Variants in PAPPA2 observed in about 807,000 individuals in gnomAD.
The protein encoded by PAPPA2 is pappalysin-2.
In PAPPA2, 86 loss-of-function variants were observed where a neutral mutation model predicts 176.4. The ratio of observed to expected loss-of-function variants is 0.49; its 90% confidence interval spans 0.41 to 0.58. The LOEUF is 0.58. Ranked by LOEUF, PAPPA2 falls within the 20% of genes least tolerant of loss-of-function variation. The pLI is 0.00. For missense variants in PAPPA2, 2,073 were observed against 2,256.9 expected, an observed-to-expected ratio of 0.92 and a Z score of 1.65; for synonymous variants, 809 against 852.2, an observed-to-expected ratio of 0.95 and a Z score of 0.88.
intron 3 of PAPPA2, among the ~76,000 whole-genome samples, chr1:176,595,850 C>T (rs537067966): frequency 2.6e-5 from 4 of 152,242 alleles, no homozygotes; most frequent in East Asian, 3.9e-4. Flanking sequence ...CAGTGTGAAG[C>T]GCACCCAAAA....
intron 17 of PAPPA2, among the ~76,000 whole-genome samples, chr1:176,774,947 G>A (rs900573972): frequency 3.1e-4 from 47 of 152,236 alleles, no homozygotes; most frequent in African/African-American, 1.1e-3. Flanking sequence ...AGCCGTGGCA[G>A]TTAGGGCCTT....
intron 14 of PAPPA2, among the ~76,000 whole-genome samples, chr1:176,754,490 T>C (rs1663326415): frequency 6.6e-6 from 1 of 152,268 alleles, no homozygotes; most frequent in Non-Finnish European, 1.5e-5. Context: ...TGGATTTTGA[T>C]AATTCAAAAA....
At chr1:176,608,740 G>A (rs755972754) in intron 3 of PAPPA2, among the ~76,000 whole-genome samples, 13 of 152,128 alleles carry the variant, frequency 8.5e-5, no homozygotes, top group Non-Finnish European at 1.3e-4. Flanking sequence ...GTTCCTGGGC[G>A]TTAGGAATAG....
At chr1:176,562,579 C>A (rs1651739232) in intron 2 of PAPPA2, among the ~76,000 whole-genome samples, 1 of 152,184 alleles carries the variant, frequency 6.6e-6, no homozygotes, top group Non-Finnish European at 1.5e-5. Flanking sequence ...TGTGCAGTTC[C>A]CTCCACATTA....
At chr1:176,677,746 C>A (rs1386551065) in intron 4 of PAPPA2, among the ~76,000 whole-genome samples, 1 of 151,998 alleles carries the variant, frequency 6.6e-6, no homozygotes, top group Admixed American at 6.6e-5. Flanking sequence ...AACTTGGATA[C>A]CATACTCATT....
intron 21 of PAPPA2, among the ~76,000 whole-genome samples, chr1:176,802,710 C>T (rs1029060533): frequency 6.6e-6 from 1 of 152,176 alleles, no homozygotes; most frequent in Non-Finnish European, 1.5e-5. Context: ...TGGAGTGCCT[C>T]ATTCATTATT....
intron 14 of PAPPA2, among the ~76,000 whole-genome samples, chr1:176,752,656 T>C (rs1414880136): frequency 6.6e-6 from 1 of 152,224 alleles, no homozygotes; most frequent in Non-Finnish European, 1.5e-5. Context: ...TGTTCTTCAG[T>C]TTACTGTTCC....
chr1:176,627,528 G>T lies in PAPPA2; in HGVS notation c.1991+31933G>T, dbSNP rs140466466. 3.0e-3 allele frequency among the ~76,000 whole-genome samples: 463 copies of T among 152,202 alleles called. 5 individuals are homozygous for T. The highest frequency in any genetic ancestry group is 0.011 in the African/African-American group (448 of 41,528). ...TCCAAGTTTTCATTTAATTTATCTGGTGTCTATAACTGAATTTTATTTTAA... is the reference window on the plus strand; with the variant it reads ...TCCAAGTTTTCATTTAATTTATCTGTTGTCTATAACTGAATTTTATTTTAA... On this transcript the variant is annotated intron_variant, in intron 3 of 22. Transcript: ENST00000367662.
intron 3 of PAPPA2, among the ~76,000 whole-genome samples, chr1:176,647,098 G>C (rs1215291507): frequency 6.6e-6 from 1 of 151,436 alleles, no homozygotes; most frequent in Non-Finnish European, 1.5e-5. Context: ...TTGGATAAAA[G>C]CCATTTTAAC....
At chr1:176,552,294 C>T (rs1651006355) in intron 1 of PAPPA2, among the ~76,000 whole-genome samples, 2 of 151,542 alleles carry the variant, frequency 1.3e-5, no homozygotes, top group Admixed American at 6.6e-5. Context: ...TCCTACCCTC[C>T]CCCTTCCATT....
At chr1:176,812,223 G>A (rs1211655084) in intron 21 of PAPPA2, among the ~76,000 whole-genome samples, 2 of 148,670 alleles carry the variant, frequency 1.3e-5, no homozygotes, top group Non-Finnish European at 1.5e-5. Flanking sequence ...TTTTTTTTTG[G>A]GGGGAGGGTT....
In PAPPA2 at chr1:176,840,291, G is replaced by A. The variant is rs1571406237; in HGVS notation, c.5301+20G>A. On this transcript the variant is annotated intron_variant, in intron 22 of 22. Coordinates refer to ENST00000367662, the MANE Select transcript of PAPPA2 (RefSeq NM_020318.3). ...AAGAAGGTGAGTGAGAGAACCTGGGGATGGGGGAGGCAGTGGCTTCAGGAA... is the reference window on the plus strand; with the variant it reads ...AAGAAGGTGAGTGAGAGAACCTGGGAATGGGGGAGGCAGTGGCTTCAGGAA... 11 of 1,584,088 alleles carry A rather than the reference G, an allele frequency of 6.9e-6. No homozygotes were observed. The highest frequency in any genetic ancestry group is 6.7e-5 in the Admixed American group (4 of 59,918).
intron 2 of PAPPA2, among the ~76,000 whole-genome samples, chr1:176,558,258 T>G (rs1651444062): frequency 6.6e-6 from 1 of 152,176 alleles, no homozygotes. Flanking sequence ...CCAGTCCCAT[T>G]ATATTGATGG....
Position 176,556,307 on chromosome 1 carries a change from A to G in PAPPA2, c.-16A>G, listed in dbSNP as rs1455869421. On this transcript the variant is annotated 5_prime_UTR_variant, in exon 2 of 23. Transcript: ENST00000367662. ...AGAAGTTGACTTCTGGTTCTGTAGA[A>G]AGAGCTAGGGGAGGTATGATGTGCT... 6.2e-7 allele frequency: 1 copy of G among 1,605,536 alleles called. No individual in the cohort carries two copies. The highest frequency in any genetic ancestry group is 1.3e-5 in the African/African-American group (1 of 74,698).
chr1:176,739,496 C>A, intron 12 of PAPPA2, 130 bp from the exon 13 acceptor site: 2 of 933,166 alleles, frequency 2.1e-6, no homozygotes, highest in Non-Finnish European at 3.1e-6. Flanking sequence ...ATATTTTTAG[C>A]ATTTATAAAA....
At chr1:176,690,704 C>A in intron 5 of PAPPA2, 1 of 1,247,076 alleles carries the variant, frequency 8.0e-7, no homozygotes, top group Non-Finnish European at 1.0e-6. Context: ...AGGCACAGAG[C>A]CAAAAGCCCT....
chr1:176,726,664 C>T lies in PAPPA2; in HGVS notation c.3799-12962C>T, dbSNP rs112656627. Among the ~76,000 whole-genome samples, 86 of 152,202 alleles carry T rather than the reference C, an allele frequency of 5.7e-4. 1 individual carries two copies. Among genetic ancestry groups the T allele is most frequent in the African/African-American group, 1.8e-3 (74 of 41,548 alleles). On this transcript the variant is annotated intron_variant, in intron 12 of 22. Coordinates refer to ENST00000367662, the MANE Select transcript of PAPPA2 (RefSeq NM_020318.3). The stretch of plus-strand genomic sequence containing the variant: ...GCCTTTTAAAAGATGGGCTGCAGTT[C>T]GAGTGGAAATCACATCAAAGGGAAT...
At chr1:176,679,519 A>G (rs531737339) in intron 4 of PAPPA2, among the ~76,000 whole-genome samples, 2 of 152,338 alleles carry the variant, frequency 1.3e-5, no homozygotes, top group African/African-American at 2.4e-5. Context: ...TTGATCTAAT[A>G]TAATGTTTAT....
intron 4 of PAPPA2, among the ~76,000 whole-genome samples, chr1:176,683,407 C>T (rs1659681119): frequency 1.3e-5 from 2 of 152,140 alleles, no homozygotes; most frequent in African/African-American, 4.8e-5. Context: ...TATCGTTTTC[C>T]ATGTACAAGT....
Sources: gnomAD v4.1 joint callset for allele counts (sites outside exome capture counted in the v4.1 genomes callset) on GRCh38, gnomAD v4.1.1 for gene constraint, MANE v1.5 for transcripts, NCBI Gene and HGNC (gene_info 2026-07-23, HGNC 2026-07-21) for gene names.